Variants in FBN1 observed in about 807,000 individuals in gnomAD.
The protein encoded by FBN1 is fibrillin-1.
Under a neutral mutation model 365.1 loss-of-function variants are expected in FBN1, and 29 were observed. The ratio of observed to expected loss-of-function variants is 0.08; its 90% CI spans 0.06 to 0.11. The LOEUF (loss-of-function observed/expected upper bound fraction) is 0.11. Ranked by LOEUF, FBN1 falls within the 10% of genes least tolerant of loss-of-function variation. The pLI is 1.00. For missense variants in FBN1, 2,476 were observed against 3,703.2 expected (o/e 0.67, Z 8.60); for synonymous variants, 1,210 against 1,270.5 (o/e 0.95, Z 1.01).
chr15:48,525,814 G>A (rs1156491893), intron 9 of FBN1, among the ~76,000 whole-genome samples: 4 of 152,138 alleles, frequency 2.6e-5, no homozygotes, highest in African/African-American at 9.7e-5. Context: ...GACTGAAGGT[G>A]GGGGTAAAAA....
chr15:48,613,694 G>A (rs756390974), intron 2 of FBN1, among the ~76,000 whole-genome samples: 3 of 152,170 alleles, frequency 2.0e-5, no homozygotes, highest in African/African-American at 4.8e-5. Flanking sequence ...TTGGGAAGCC[G>A]AGGTGGGCAG....
intron 35 of FBN1, among the ~76,000 whole-genome samples, chr15:48,471,508 C>T (rs2043376716): frequency 6.6e-6 from 1 of 152,102 alleles, no homozygotes; most frequent in East Asian, 1.9e-4. Context: ...CAAAAGTAAA[C>T]AAGGTATTAG....
chr15:48,418,434 A>G (rs1386255347), intron 63 of FBN1, among the ~76,000 whole-genome samples: 4 of 152,220 alleles, frequency 2.6e-5, no homozygotes, highest in Non-Finnish European at 4.4e-5. Flanking sequence ...TTGCTTATCT[A>G]GGTTGGAGAG....
rs193922222 is a variant in FBN1, at chr15:48,437,159, CA to C, written c.6380-83del. The C allele has an allele frequency of 2.1e-4, 246 of 1,183,266 alleles. No homozygotes were observed. The highest frequency in any genetic ancestry group is 1.9e-3 in the Admixed American group (110 of 57,304). The allele number at this position is 1,183,266 out of a possible 1,614,324, so 73.3% of individuals were successfully genotyped here. On this transcript the variant is annotated intron_variant, in intron 52 of 65. Transcript: ENST00000316623. ...AATTATGATCATTTCAGTGTTTAAT[CA>C]AAAGATTATCTAATAATGCAATAAT...
At chr15:48,562,505 G>A (rs2044230556) in intron 6 of FBN1, among the ~76,000 whole-genome samples, 1 of 152,188 alleles carries the variant, frequency 6.6e-6, no homozygotes, top group Non-Finnish European at 1.5e-5. Context: ...AACGTTTTAG[G>A]TGTCGCCATC....
chr15:48,506,831 T>C (rs2043712061), intron 15 of FBN1, among the ~76,000 whole-genome samples: 1 of 152,184 alleles, frequency 6.6e-6, no homozygotes, highest in Admixed American at 6.5e-5. Flanking sequence ...ATTTCTTTTT[T>C]CATCCTTTAG....
chr15:48,432,858 T>C lies in FBN1; in HGVS notation c.6739+8A>G. The C allele has an allele frequency of 6.2e-7, 1 of 1,613,382 alleles. No individual in the cohort carries two copies. The highest frequency in any genetic ancestry group is 8.5e-7 in the Non-Finnish European group (1 of 1,179,556). ...CTGGCTTAGATGACCTTGAACACGA[T>C]GACTCACCTTTGCACATCCTACGGT... On this transcript the variant is annotated splice_region_variant and intron_variant, in intron 55 of 65. Transcript: ENST00000316623.
chr15:48,574,970 A>C (rs976515181), intron 6 of FBN1, among the ~76,000 whole-genome samples: 1 of 152,264 alleles, frequency 6.6e-6, no homozygotes, highest in Non-Finnish European at 1.5e-5. Flanking sequence ...TGTTAGATGA[A>C]AATAACACAA....
chr15:48,516,319 C>G lies in FBN1; in HGVS notation c.1191G>C (p.Gly397=). The G allele has an allele frequency of 6.2e-7, 1 of 1,613,772 alleles. No homozygotes were observed. Among genetic ancestry groups the G allele is most frequent in the South Asian group, 1.1e-5 (1 of 91,070 alleles). Residue 397 remains glycine (G), a synonymous_variant, in exon 11 of 66, where the codon GGG becomes GGC. Transcript: ENST00000316623. ...KLCSVPMVIP[G]RPEYPPPPLG... ...GGGGTGGGGGAGGATATTCTGGTCTCCCAGGAATTACCATAGGAACAGAGC... is the reference window on the plus strand; with the variant it reads ...GGGGTGGGGGAGGATATTCTGGTCTGCCAGGAATTACCATAGGAACAGAGC...
intron 6 of FBN1, among the ~76,000 whole-genome samples, chr15:48,578,807 G>A (rs200843636): frequency 0.017 from 1,635 of 95,008 alleles, no homozygotes; most frequent in Non-Finnish European, 0.019. Flanking sequence ...ATTGAACAAT[G>A]AGATCACATG....
At chr15:48,592,063 C>T (rs1483960700) in intron 6 of FBN1, among the ~76,000 whole-genome samples, 1 of 152,228 alleles carries the variant, frequency 6.6e-6, no homozygotes, top group Non-Finnish European at 1.5e-5. Flanking sequence ...CCCTGGCACA[C>T]TGCAAGTACT....
chr15:48,468,163 T>C, intron 37 of FBN1, 61 bp from the exon 38 acceptor site: 1 of 1,593,368 alleles, frequency 6.3e-7, no homozygotes, highest in Non-Finnish European at 8.6e-7. Context: ...GGTTGAAAAT[T>C]CAAACCCACT....
At chr15:48,493,271 TCAC>T (rs1261373455) in intron 23 of FBN1, among the ~76,000 whole-genome samples, 1 of 151,990 alleles carries the variant, frequency 6.6e-6, no homozygotes, top group Non-Finnish European at 1.5e-5. Flanking sequence ...GGAAAAGTAT[TCAC>T]CACCAAGTTA....
chr15:48,456,905 A>G, intron 43 of FBN1, 143 bp from the exon 44 acceptor site: 1 of 772,966 alleles, frequency 1.3e-6, no homozygotes, highest in Non-Finnish European at 2.2e-6. Context: ...TGATGGCAAT[A>G]GGGACATCAA....
chr15:48,513,522 A>G, intron 13 of FBN1, 27 bp downstream of exon 13: 2 of 1,613,868 alleles, frequency 1.2e-6, no homozygotes, highest in Non-Finnish European at 1.7e-6. Context: ...TATGTCCCAC[A>G]TTCCACGTCA....
At chr15:48,506,082 G>A (rs2043705305) in intron 15 of FBN1, among the ~76,000 whole-genome samples, 1 of 152,126 alleles carries the variant, frequency 6.6e-6, no homozygotes, top group Non-Finnish European at 1.5e-5. Context: ...AATCAGCTGG[G>A]CATGATGGCA....
intron 6 of FBN1, among the ~76,000 whole-genome samples, chr15:48,569,555 C>G (rs1445062649): frequency 1.3e-5 from 2 of 152,098 alleles, no homozygotes; most frequent in Non-Finnish European, 2.9e-5. Context: ...TAGCCCCATA[C>G]TGGAAACAAT....
intron 4 of FBN1, among the ~76,000 whole-genome samples, chr15:48,605,656 T>C (rs1015184429): frequency 6.6e-6 from 1 of 152,178 alleles, no homozygotes; most frequent in Non-Finnish European, 1.5e-5. Context: ...GCAGATTGCT[T>C]GAGCTCAGGA....
intron 63 of FBN1, 131 bp from the exon 64 acceptor site, chr15:48,415,898 T>A: frequency 1.3e-6 from 1 of 751,028 alleles, no homozygotes; most frequent in Non-Finnish European, 2.4e-6. Context: ...CAGGCAGAGG[T>A]GGCTGGGTGG....
Sources: gnomAD v4.1 joint callset for allele counts (sites outside exome capture counted in the v4.1 genomes callset) on GRCh38, gnomAD v4.1.1 for gene constraint, MANE v1.5 for transcripts, NCBI Gene and HGNC (gene_info 2026-07-23, HGNC 2026-07-21) for gene names.